The following USP33 variants were observed in gnomAD, a reference collection of about 807,000 sequenced individuals.
USP33 encodes the protein ubiquitin carboxyl-terminal hydrolase 33.
In USP33, 46 loss-of-function variants were observed where a neutral mutation model predicts 124.2. The ratio of observed to expected loss-of-function variants is 0.37; its 90% CI spans 0.29 to 0.47. The LOEUF (loss-of-function observed/expected upper bound fraction) is 0.47. Ranked by LOEUF, USP33 falls within the 20% of genes least tolerant of loss-of-function variation. The pLI, the probability that USP33 is intolerant of heterozygous loss-of-function variation, is 0.99. For synonymous variants in USP33, 350 were observed against 352.3 expected (o/e 0.99, Z 0.07); for missense variants, 851 against 1,070.6 (o/e 0.79, Z 2.86).
intron 10 of USP33, among the ~76,000 whole-genome samples, chr1:77,726,941 T>C (rs1677233776): frequency 6.6e-6 from 1 of 152,198 alleles, no homozygotes; most frequent in Non-Finnish European, 1.5e-5. Flanking sequence ...ATGTGCTCAG[T>C]AACTATTTGA....
At chr1:77,730,046 CA>C (rs1428974934) in intron 8 of USP33, 108 bp from the exon 9 acceptor site, 3 of 1,034,446 alleles carry the variant, frequency 2.9e-6, no homozygotes, top group Non-Finnish European at 2.8e-6. Context: ...AAGTATGTTT[CA>C]AAAAAATCAT....
Position 77,741,768 on chromosome 1 carries a change from C to T in USP33, c.-51-20G>A, listed in dbSNP as rs1170904699. On this transcript the variant is annotated intron_variant, in intron 1 of 23. Coordinates refer to ENST00000370794, the MANE Select transcript of USP33 (RefSeq NM_201624.3). ...TAACACCTATAAGAAAAGTAACACA[C>T]ACAAAAAAATTAATAAATGCTTACA... 2 of 1,517,102 alleles carry T rather than the reference C, an allele frequency of 1.3e-6. No homozygotes were observed. Among genetic ancestry groups the T allele is most frequent in the African/African-American group, 1.4e-5 (1 of 70,820 alleles). 94.0% of individuals were successfully genotyped at this position (1,517,102 alleles called of 1,614,324 possible). A position where few individuals can be genotyped will look rare whatever the true frequency, so the allele number is the denominator to read the frequency against.
intron 9 of USP33, 57 bp downstream of exon 9, chr1:77,729,803 A>C: frequency 6.4e-7 from 1 of 1,561,110 alleles, no homozygotes; most frequent in African/African-American, 1.4e-5. Context: ...AAAAAACATA[A>C]TGGCATTTTC....
intron 9 of USP33, among the ~76,000 whole-genome samples, chr1:77,729,532 G>A (rs757130778): frequency 5.9e-5 from 9 of 152,012 alleles, no homozygotes; most frequent in Non-Finnish European, 2.9e-5. Context: ...TTAGCTGGGC[G>A]TGGTGGCACA....
chr1:77,753,621 T>C (rs1680545173), intron 1 of USP33, among the ~76,000 whole-genome samples: 1 of 151,892 alleles, frequency 6.6e-6, no homozygotes, highest in South Asian at 2.1e-4. Context: ...TTGAAAACTG[T>C]ATCTTATAAG....
chr1:77,752,502 C>T (rs369494836), intron 1 of USP33, among the ~76,000 whole-genome samples: 1 of 152,224 alleles, frequency 6.6e-6, no homozygotes, highest in East Asian at 1.9e-4. Context: ...TATTGAGAAA[C>T]TGCCTGAATT....
intron 21 of USP33, among the ~76,000 whole-genome samples, chr1:77,703,830 T>C (rs555613179): frequency 1.4e-3 from 210 of 152,176 alleles, no homozygotes; most frequent in Middle Eastern, 0.01. Flanking sequence ...CTGGGCAACA[T>C]GGTTAAAACC....
chr1:77,735,076 T>C lies in USP33; in HGVS notation c.455-660A>G, dbSNP rs1557853913. Reference sequence around the variant, plus strand: ...AGGCGGAGCTTGCAGTGAGCCGAGATTGCACCACTGCACTCCAGCCTGGGC... The same window carrying C: ...AGGCGGAGCTTGCAGTGAGCCGAGACTGCACCACTGCACTCCAGCCTGGGC... On this transcript the variant is annotated intron_variant, in intron 6 of 23. Transcript: ENST00000370794. Among the ~76,000 whole-genome samples the C allele has an allele frequency of 3.3e-5, 5 of 151,950 alleles. No individual in the cohort carries two copies. In the South Asian group the frequency reaches 8.3e-4, roughly 25 times the overall value.
chr1:77,747,240 CTTTTTTTTTT>C (rs752560478), intron 1 of USP33, among the ~76,000 whole-genome samples: 4 of 103,874 alleles, frequency 3.9e-5, no homozygotes, highest in Admixed American at 2.0e-4. Context: ...GGCTTCTGGG[CTTTTTTTTTT>C]TTTTTTTTTT....
At chr1:77,732,093 G>C (rs1249058583) in intron 7 of USP33, among the ~76,000 whole-genome samples, 1 of 146,694 alleles carries the variant, frequency 6.8e-6, no homozygotes, top group Admixed American at 6.8e-5. Context: ...GACAGAGTAA[G>C]ACCCTGTCTC....
rs765281792 is a variant in USP33 at position 77,736,164 on chromosome 1, T to C, written c.352-6A>G. On this transcript the variant is annotated splice_region_variant and splice_polypyrimidine_tract_variant and intron_variant, in intron 5 of 23. Coordinates refer to ENST00000370794, the MANE Select transcript of USP33 (RefSeq NM_201624.3). ...TTACTGGGTATTTTAAAATCCTTGA[T>C]AACAAAAAAAGATAGCACACTTGAA... 1.3e-5 allele frequency: 21 copies of C among 1,590,958 alleles called. No individual in the cohort carries two copies. In the East Asian group the frequency reaches 2.2e-4, roughly 17 times the overall value.
intron 7 of USP33, among the ~76,000 whole-genome samples, chr1:77,732,308 A>G (rs527703366): frequency 6.6e-6 from 1 of 151,998 alleles, no homozygotes; most frequent in Middle Eastern, 3.4e-3. Flanking sequence ...CCCACATCCT[A>G]TCAATCAATC....
intron 21 of USP33, among the ~76,000 whole-genome samples, chr1:77,704,636 T>C (rs958822833): frequency 6.6e-6 from 1 of 152,188 alleles, no homozygotes; most frequent in Non-Finnish European, 1.5e-5. Flanking sequence ...ATGGATCCTA[T>C]AGCTATCCAA....
chr1:77,738,283 T>C (rs1212892971), intron 5 of USP33, among the ~76,000 whole-genome samples: 2 of 152,130 alleles, frequency 1.3e-5, no homozygotes, highest in Admixed American at 6.6e-5. Flanking sequence ...ATAACACACA[T>C]GAGGAAAAAA....
At chr1:77,757,050 TTC>T (rs1680866718) in intron 1 of USP33, among the ~76,000 whole-genome samples, 1 of 152,252 alleles carries the variant, frequency 6.6e-6, no homozygotes, top group Admixed American at 6.5e-5. Flanking sequence ...TACCGATGTT[TTC>T]TCAAATGTAA....
intron 1 of USP33, among the ~76,000 whole-genome samples, chr1:77,753,122 G>A (rs1005352859): frequency 7.9e-5 from 12 of 152,084 alleles, no homozygotes; most frequent in African/African-American, 2.4e-4. Flanking sequence ...TTAACAGGAC[G>A]AAATTTAATA....
chr1:77,714,939 TAC>T, intron 18 of USP33, 156 bp from the exon 19 acceptor site: 1 of 688,580 alleles, frequency 1.5e-6, no homozygotes. Flanking sequence ...ATCCACCAAA[TAC>T]ATTATATACT....
At chr1:77,754,052 T>G (rs752730171) in intron 1 of USP33, among the ~76,000 whole-genome samples, 4 of 152,132 alleles carry the variant, frequency 2.6e-5, no homozygotes, top group Non-Finnish European at 5.9e-5. Flanking sequence ...GAACAGCATA[T>G]TCAATCAACG....
chr1:77,706,531 T>C (rs78176462), intron 21 of USP33, among the ~76,000 whole-genome samples: 7,402 of 152,292 alleles, frequency 0.049, 242 homozygotes, highest in African/African-American at 0.099. Flanking sequence ...ACCACTATTC[T>C]TGGACTTAGT....
Sources: allele counts gnomAD v4.1 joint callset (sites outside exome capture counted in the v4.1 genomes callset), GRCh38; gene constraint gnomAD v4.1.1; transcripts MANE v1.5; gene names NCBI Gene and HGNC (gene_info 2026-07-23, HGNC 2026-07-21).